Variants in HERC4 observed in about 807,000 individuals in gnomAD.
The protein encoded by HERC4 is probable E3 ubiquitin-protein ligase HERC4.
A neutral mutation model predicts 124.3 loss-of-function variants in HERC4; 28 were observed. That is an observed-to-expected ratio of 0.23 (90% CI 0.17 to 0.31). HERC4 has a LOEUF of 0.31. Ranked by LOEUF, HERC4 falls within the 10% of genes least tolerant of loss-of-function variation. HERC4 has a pLI of 1.00. For synonymous variants in HERC4, 407 were observed against 421.5 expected, an observed-to-expected ratio of 0.97 and a Z score of 0.42; for missense variants, 713 against 1,229.3, an observed-to-expected ratio of 0.58 and a Z score of 6.28.
intron 16 of HERC4, 37 bp downstream of exon 16, chr10:67,966,646 C>A: frequency 1.3e-6 from 2 of 1,585,034 alleles, no homozygotes; most frequent in Non-Finnish European, 1.7e-6. Context: ...GATACATATA[C>A]ATAAAAATGA....
At chr10:67,935,538 C>G (rs556917432) in intron 22 of HERC4, among the ~76,000 whole-genome samples, 29 of 152,148 alleles carry the variant, frequency 1.9e-4, no homozygotes, top group Non-Finnish European at 3.2e-4. Flanking sequence ...ACTTTCAGCA[C>G]TTAATCTCCC....
At chr10:67,923,457 A>G (rs1176633549) in intron 24 of HERC4, among the ~76,000 whole-genome samples, 1 of 152,220 alleles carries the variant, frequency 6.6e-6, no homozygotes, top group Non-Finnish European at 1.5e-5. Context: ...ACTAGTTGAC[A>G]AACCAAATAC....
intron 9 of HERC4, chr10:67,994,257 CTCATT>C (rs2036725807): frequency 6.6e-6 from 1 of 152,106 alleles, no homozygotes; most frequent in African/African-American, 2.4e-5. Flanking sequence ...TATGGAATTG[CTCATT>C]TCCTCAAAAG....
chr10:68,020,509 G>C (rs897787837), intron 8 of HERC4, among the ~76,000 whole-genome samples: 3 of 152,084 alleles, frequency 2.0e-5, no homozygotes, highest in African/African-American at 7.2e-5. Flanking sequence ...GCTCACGCCT[G>C]TAATCCCAGC....
At chr10:68,045,757 T>C (rs1250817102) in intron 3 of HERC4, among the ~76,000 whole-genome samples, 1 of 152,188 alleles carries the variant, frequency 6.6e-6, no homozygotes, top group Non-Finnish European at 1.5e-5. Context: ...TTCAACAAAC[T>C]AAAAGTCTTA....
At chr10:67,926,752 C>A (rs1224189766) in intron 23 of HERC4, among the ~76,000 whole-genome samples, 1 of 152,180 alleles carries the variant, frequency 6.6e-6, no homozygotes, top group Admixed American at 6.5e-5. Context: ...CCTCACTTAC[C>A]TTGTGGAGCT....
intron 9 of HERC4, among the ~76,000 whole-genome samples, chr10:67,999,525 G>C (rs2037102511): frequency 6.6e-6 from 1 of 152,168 alleles, no homozygotes; most frequent in Non-Finnish European, 1.5e-5. Context: ...CTTGGGTATA[G>C]GGTTCTGAAG....
At chr10:68,070,310 T>G in intron 3 of HERC4, 1 of 957,812 alleles carries the variant, frequency 1.0e-6, no homozygotes. Flanking sequence ...AAAACATTAT[T>G]TAAAAAACAT....
intron 23 of HERC4, among the ~76,000 whole-genome samples, chr10:67,927,410 ATATATATATATATATATATAT>A (rs1442861831): frequency 2.1e-4 from 2 of 9,442 alleles, no homozygotes; most frequent in African/African-American, 5.9e-4. Context: ...ATATATATAT[ATATATATATATATATATATAT>A]TTTTTTTTTT....
chr10:68,071,765 T>C (rs2133875547), intron 3 of HERC4, among the ~76,000 whole-genome samples: 1 of 152,328 alleles, frequency 6.6e-6, no homozygotes, highest in African/African-American at 2.4e-5. Context: ...GAATTAAAAA[T>C]CTATTTTATG....
intron 7 of HERC4, among the ~76,000 whole-genome samples, chr10:68,030,016 G>A (rs1170966548): frequency 6.6e-6 from 1 of 151,932 alleles, no homozygotes; most frequent in Admixed American, 6.6e-5. Context: ...GGGATTACAG[G>A]TGTGAGCCAC....
chr10:67,942,929 A>C (rs916277876), intron 19 of HERC4, among the ~76,000 whole-genome samples: 3 of 152,196 alleles, frequency 2.0e-5, no homozygotes, highest in Non-Finnish European at 4.4e-5. Context: ...TAAAATGACA[A>C]CTTGCTTTAG....
At chr10:67,990,880 A>C (rs1414844059) in intron 13 of HERC4, 24 bp downstream of exon 13, 1 of 1,449,990 alleles carries the variant, frequency 6.9e-7, no homozygotes, top group East Asian at 2.3e-5. Context: ...ATAATACTGT[A>C]AACATAATAC....
intron 9 of HERC4, among the ~76,000 whole-genome samples, chr10:68,004,100 T>C (rs1479878913): frequency 1.3e-5 from 2 of 152,176 alleles, no homozygotes; most frequent in African/African-American, 4.8e-5. Context: ...CTGATGATGT[T>C]GAGTACCTTT....
chr10:68,010,920 G>A, intron 9 of HERC4: 1 of 1,275,712 alleles, frequency 7.8e-7, no homozygotes. Context: ...CAGCAATTCA[G>A]TCACATTTTC....
chr10:68,038,103 T>G lies in HERC4; in HGVS notation c.453A>C (p.Ala151=). ...AAAACTAATGCTTACCTTTAGAAAG[T>G]GCAAGTGAATGATAGTAACCACAAG... is the stretch of plus-strand genomic sequence containing the variant. The part of the protein sequence containing the change: ...QVACGYYHSL[A]LSKASEVFCW... The change falls in exon 5 of 25, where the codon GCA becomes GCC. Residue 151 remains alanine, a synonymous_variant. Coordinates refer to ENST00000373700, the MANE Select transcript of HERC4 (RefSeq NM_015601.4). 6.7e-7 allele frequency: 1 copy of G among 1,498,920 alleles called. No homozygotes were observed. Among genetic ancestry groups the G allele is most frequent in the Non-Finnish European group, 9.0e-7 (1 of 1,114,592 alleles). The allele number at this position is 1,498,920 out of a possible 1,614,324, so 92.9% of individuals were successfully genotyped here.
chr10:68,001,106 C>A (rs1289223027), intron 9 of HERC4, among the ~76,000 whole-genome samples: 1 of 152,164 alleles, frequency 6.6e-6, no homozygotes, highest in African/African-American at 2.4e-5. Flanking sequence ...TGCAGTGGCT[C>A]ATATGCGTAA....
At chr10:68,013,200 T>C (rs1006304671) in intron 9 of HERC4, among the ~76,000 whole-genome samples, 1 of 152,226 alleles carries the variant, frequency 6.6e-6, no homozygotes, top group Non-Finnish European at 1.5e-5. Context: ...TACACAGTCT[T>C]TTAAGACATA....
intron 16 of HERC4, among the ~76,000 whole-genome samples, chr10:67,961,978 T>G (rs1319465192): frequency 6.6e-6 from 1 of 152,194 alleles, no homozygotes; most frequent in East Asian, 1.9e-4. Context: ...GATTACACTC[T>G]GTTTAGCTAG....
Sources: gnomAD v4.1 joint callset for allele counts (sites outside exome capture counted in the v4.1 genomes callset) on GRCh38, gnomAD v4.1.1 for gene constraint, MANE v1.5 for transcripts, NCBI Gene and HGNC (gene_info 2026-07-23, HGNC 2026-07-21) for gene names.